Variants in MIGA1 observed in about 807,000 individuals in gnomAD.
MIGA1 encodes the protein family with sequence similarity 73, member A.
MIGA1 carries 58 observed loss-of-function variants against 82.0 expected under a neutral mutation model. The ratio of observed to expected loss-of-function variants is 0.71; its 90% CI spans 0.57 to 0.88. The LOEUF (loss-of-function observed/expected upper bound fraction) is 0.88. Ranked by LOEUF, MIGA1 falls within the 40% of genes least tolerant of loss-of-function variation. The pLI is 0.00. For synonymous variants in MIGA1, 249 were observed against 253.6 expected (o/e 0.98, Z 0.17); for missense variants, 751 against 749.1 (o/e 1.00, Z -0.03).
chr1:77,817,303 C>T (rs1326238706), intron 7 of MIGA1, among the ~76,000 whole-genome samples: 2 of 151,860 alleles, frequency 1.3e-5, no homozygotes, highest in East Asian at 1.9e-4. Flanking sequence ...GTTTTGGGGG[C>T]TTAGTTTTAG....
intron 5 of MIGA1, among the ~76,000 whole-genome samples, chr1:77,808,928 T>C (rs1037825377): frequency 6.6e-6 from 1 of 152,198 alleles, no homozygotes; most frequent in Admixed American, 6.5e-5. Flanking sequence ...CTAGGAAACT[T>C]AACATTCACA....
chr1:77,875,283 G>C lies in MIGA1; in HGVS notation c.*219G>C. The C allele has an allele frequency of 2.2e-6, 1 of 458,610 alleles. No individual in the cohort carries two copies. The highest frequency in any genetic ancestry group is 3.9e-6 in the Non-Finnish European group (1 of 258,910). The allele number at this position is 458,610 out of a possible 1,614,324, so 28.4% of individuals were successfully genotyped here. The stretch of plus-strand genomic sequence containing the variant: ...CATAGTGGCTTTTTGCATTCATTAG[G>C]TAATAATTGAAGTCATGAAATGTAT... On this transcript the variant is annotated 3_prime_UTR_variant, in exon 16 of 16. Coordinates refer to ENST00000370791, the MANE Select transcript of MIGA1 (RefSeq NM_198549.4).
intron 2 of MIGA1, among the ~76,000 whole-genome samples, chr1:77,789,042 T>G (rs1682296663): frequency 6.6e-6 from 1 of 152,102 alleles, no homozygotes; most frequent in Non-Finnish European, 1.5e-5. Context: ...TCTATGAACA[T>G]GGGATGTGTT....
intron 8 of MIGA1, among the ~76,000 whole-genome samples, chr1:77,856,250 A>G (rs2101925802): frequency 1.3e-5 from 2 of 152,200 alleles, no homozygotes; most frequent in Middle Eastern, 6.8e-3. Context: ...AACCCAGTTG[A>G]TTGTGGTGGA....
intron 2 of MIGA1, among the ~76,000 whole-genome samples, chr1:77,785,312 A>G (rs1417714917): frequency 2.6e-5 from 4 of 152,116 alleles, no homozygotes; most frequent in African/African-American, 9.7e-5. Flanking sequence ...TACAGGCCCC[A>G]TGCAAGTTTG....
intron 8 of MIGA1, 70 bp from the exon 9 acceptor site, chr1:77,858,868 A>G: frequency 2.4e-6 from 2 of 840,026 alleles, no homozygotes; most frequent in Middle Eastern, 2.3e-4. Flanking sequence ...GATCCTCCCA[A>G]AGTGTTGCAA....
At chr1:77,779,976 T>C in intron 1 of MIGA1, 1 of 1,289,544 alleles carries the variant, frequency 7.8e-7, no homozygotes, top group Non-Finnish European at 9.8e-7. Context: ...TGGTTAGTAC[T>C]TGCATAGGAA....
At chr1:77,806,954 T>A in intron 4 of MIGA1, 21 bp from the exon 5 acceptor site, 1 of 1,589,256 alleles carries the variant, frequency 6.3e-7, no homozygotes, top group Non-Finnish European at 8.6e-7. Flanking sequence ...TTGAAGTAAC[T>A]TCTATCCATC....
At chr1:77,870,769 G>A (rs1447554876) in intron 14 of MIGA1, among the ~76,000 whole-genome samples, 65 of 145,864 alleles carry the variant, frequency 4.5e-4, no homozygotes, top group African/African-American at 1.4e-3. Context: ...CCGAGATCAC[G>A]CCACTGCACT....
At chr1:77,793,437 T>A (rs1682515412) in intron 2 of MIGA1, among the ~76,000 whole-genome samples, 1 of 151,784 alleles carries the variant, frequency 6.6e-6, no homozygotes, top group Non-Finnish European at 1.5e-5. Context: ...CCTGAGAGGT[T>A]TTTTTTGTTT....
chr1:77,805,142 C>T (rs1683042513), intron 4 of MIGA1, among the ~76,000 whole-genome samples: 1 of 151,408 alleles, frequency 6.6e-6, no homozygotes, highest in African/African-American at 2.4e-5. Flanking sequence ...CTACAGGCAC[C>T]CGCCACCACG....
At chr1:77,860,192 G>C in intron 11 of MIGA1, 66 bp downstream of exon 11, 1 of 1,128,962 alleles carries the variant, frequency 8.9e-7, no homozygotes, top group Non-Finnish European at 1.3e-6. Context: ...TTGAACTGAA[G>C]ATTAAGACAT....
intron 7 of MIGA1, among the ~76,000 whole-genome samples, chr1:77,840,082 G>T (rs1384214973): frequency 1.3e-5 from 2 of 152,188 alleles, no homozygotes; most frequent in Non-Finnish European, 2.9e-5. Context: ...TTAATTGGAT[G>T]CATGAAAGCA....
At chr1:77,801,601 C>T in intron 3 of MIGA1, 93 bp downstream of exon 3, 1 of 1,045,122 alleles carries the variant, frequency 9.6e-7, no homozygotes, top group Non-Finnish European at 1.3e-6. Flanking sequence ...GAATTTTCTT[C>T]CTAATATATT....
intron 8 of MIGA1, chr1:77,847,656 A>C (rs1684895654): frequency 6.4e-7 from 1 of 1,568,192 alleles, no homozygotes; most frequent in Admixed American, 1.7e-5. Flanking sequence ...TTTGGATGTA[A>C]CCAAGCAGAA....
rs201047456 is a variant in MIGA1, at chr1:77,858,952, A to G, written c.1011A>G (p.Arg337=). The G allele has an allele frequency of 1.9e-6, 3 of 1,610,508 alleles. No individual in the cohort carries two copies. The highest frequency in any genetic ancestry group is 2.2e-5 in the East Asian group (1 of 44,862). Residue 337 remains arginine, a synonymous_variant, in exon 9 of 16, where the codon AGA becomes AGG. Transcript: ENST00000370791. ...CGTGCTCTTAGCTTGCAGAACACAG[A>G]GAAGTACGGCATACCTACAGCCTGG...
At chr1:77,827,625 A>G (rs1000578278) in intron 7 of MIGA1, among the ~76,000 whole-genome samples, 1 of 152,232 alleles carries the variant, frequency 6.6e-6, no homozygotes, top group African/African-American at 2.4e-5. Context: ...AGTGAGATCC[A>G]GAGCAAAAGT....
chr1:77,844,989 C>G (rs1684783286), intron 8 of MIGA1, among the ~76,000 whole-genome samples: 1 of 152,112 alleles, frequency 6.6e-6, no homozygotes, highest in Admixed American at 6.5e-5. Flanking sequence ...CTCACACACA[C>G]ATGCACAGAA....
chr1:77,870,096 C>A (rs1685883225), intron 14 of MIGA1, among the ~76,000 whole-genome samples: 1 of 112,498 alleles, frequency 8.9e-6, no homozygotes, highest in Non-Finnish European at 2.0e-5. Context: ...GGGGGCTGAC[C>A]CCCCCACCTC....
Sources: gnomAD v4.1 joint callset for allele counts (sites outside exome capture counted in the v4.1 genomes callset) on GRCh38, gnomAD v4.1.1 for gene constraint, MANE v1.5 for transcripts, NCBI Gene and HGNC (gene_info 2026-07-23, HGNC 2026-07-21) for gene names.